The following SPON1 variants were observed in gnomAD, a reference collection of about 807,000 sequenced individuals.
SPON1 encodes spondin-1.
In SPON1, 52 loss-of-function variants were observed where a neutral mutation model predicts 111.7. That is an observed-to-expected ratio of 0.47 (90% confidence interval 0.37 to 0.59). The LOEUF (loss-of-function observed/expected upper bound fraction) is 0.59. SPON1 is among the 20% of genes least tolerant of loss of function. SPON1 has a pLI of 0.00. For synonymous variants in SPON1, 410 were observed against 395.8 expected (o/e 1.04, Z -0.43); for missense variants, 957 against 1,068.5 (o/e 0.90, Z 1.46).
chr11:14,041,731 CT>C, intron 3 of SPON1, 77 bp downstream of exon 3: 1 of 1,500,008 alleles, frequency 6.7e-7, no homozygotes, highest in Non-Finnish European at 9.1e-7. Context: ...AAAAAAAGTT[CT>C]TTACTGAGCA....
At chr11:13,973,490 C>G (rs1848079255) in intron 1 of SPON1, among the ~76,000 whole-genome samples, 1 of 152,188 alleles carries the variant, frequency 6.6e-6, no homozygotes, top group Non-Finnish European at 1.5e-5. Flanking sequence ...AGCTCAGGAC[C>G]CATTCATCTG....
chr11:14,160,897 T>TTATA (rs1311148361), intron 6 of SPON1, among the ~76,000 whole-genome samples: 3 of 51,308 alleles, frequency 5.8e-5, no homozygotes, highest in African/African-American at 2.4e-4. Flanking sequence ...TTATATATAT[T>TTATA]TATATATTTA....
At chr11:14,041,723 A>C in intron 3 of SPON1, 69 bp downstream of exon 3, 1 of 1,575,770 alleles carries the variant, frequency 6.3e-7, no homozygotes, top group Non-Finnish European at 8.6e-7. Context: ...GGGAAAAAAA[A>C]AAAAGTTCTT....
At chr11:14,162,766 A>G (rs569765619) in intron 6 of SPON1, among the ~76,000 whole-genome samples, 1 of 152,332 alleles carries the variant, frequency 6.6e-6, no homozygotes, top group South Asian at 2.1e-4. Context: ...TTGAGAACAA[A>G]CACAACTTAC....
At chr11:14,020,391 G>T (rs782622216) in intron 2 of SPON1, among the ~76,000 whole-genome samples, 43 of 152,238 alleles carry the variant, frequency 2.8e-4, no homozygotes, top group Non-Finnish European at 5.7e-4. Context: ...GAGGAGGTCA[G>T]AGTGACCATT....
chr11:14,109,981 A>G (rs994874420), intron 5 of SPON1, among the ~76,000 whole-genome samples: 3 of 152,240 alleles, frequency 2.0e-5, no homozygotes, highest in African/African-American at 7.2e-5. Flanking sequence ...TGGCAAAATT[A>G]TTAATCTCTC....
intron 2 of SPON1, among the ~76,000 whole-genome samples, chr11:14,025,350 A>G (rs1488523567): frequency 6.6e-6 from 1 of 152,358 alleles, no homozygotes; most frequent in East Asian, 1.9e-4. Flanking sequence ...TCATTCTACA[A>G]ATATTGATCA....
chr11:14,114,030 A>C (rs1849248718), intron 5 of SPON1, among the ~76,000 whole-genome samples: 1 of 152,200 alleles, frequency 6.6e-6, no homozygotes, highest in Admixed American at 6.5e-5. Flanking sequence ...CCATCCCCTC[A>C]AGCATTTATC....
Position 14,147,017 on chromosome 11 carries a change from C to CTTTTT in SPON1, c.825+11475_825+11479dup, listed in dbSNP as rs34930543. Reference sequence around the variant, plus strand: ...ACGTTAGAAGAAAACATGAAAGAACCTTTTTTTTTTTTTTTTTTTTTTTTT... The same window carrying CTTTTT: ...ACGTTAGAAGAAAACATGAAAGAACCTTTTTTTTTTTTTTTTTTTTTTTTTTTTTT... On this transcript the variant is annotated intron_variant, in intron 6 of 15. Transcript: ENST00000576479. Among the ~76,000 whole-genome samples, 12 of 64,992 alleles carry CTTTTT rather than the reference C, an allele frequency of 1.8e-4. 2 individuals carry two copies. The highest frequency in any genetic ancestry group is 2.9e-4 in the Non-Finnish European group (11 of 37,454). The allele number at this position is 64,992 out of a possible 152,430, so 42.6% of individuals were successfully genotyped here.
intron 6 of SPON1, among the ~76,000 whole-genome samples, chr11:14,203,663 T>G (rs1848486541): frequency 6.6e-6 from 1 of 152,112 alleles, no homozygotes. Context: ...CCCAGGTAAT[T>G]TGAGTTGTGC....
intron 2 of SPON1, among the ~76,000 whole-genome samples, chr11:14,009,972 G>C (rs1554913538): frequency 6.6e-6 from 1 of 152,196 alleles, no homozygotes; most frequent in African/African-American, 2.4e-5. Flanking sequence ...CATTCAGACT[G>C]TATCAATGTC....
chr11:14,174,136 TC>T lies in SPON1; in HGVS notation c.825+38572del, dbSNP rs538473314. The stretch of plus-strand genomic sequence containing the variant: ...GTGCCATTTTATACTGGATCCTGGA[TC>T]CCCAAAAGGAGGGAAAGACTATGGG... On this transcript the variant is annotated intron_variant, in intron 6 of 15. Coordinates refer to ENST00000576479, the MANE Select transcript of SPON1 (RefSeq NM_006108.4). 4.6e-5 allele frequency among the ~76,000 whole-genome samples: 7 copies of T among 152,278 alleles called. No individual in the cohort carries two copies. The East Asian group carries it at 1.4e-3, about 29-fold the overall frequency.
Position 14,161,279 on chromosome 11 carries a change from A to T in SPON1, c.825+25711A>T, listed in dbSNP as rs1423858375. 7.5e-3 allele frequency among the ~76,000 whole-genome samples: 391 copies of T among 51,992 alleles called. 1 individual carries two copies. Among genetic ancestry groups the T allele is most frequent in the Non-Finnish European group, 0.01 (225 of 21,724 alleles). 34.1% of individuals were successfully genotyped at this position (51,992 alleles called of 152,430 possible). ...TATATATTTATATATCTGTATATCT[A>T]TATATATTTATATATTTATATATAT... On this transcript the variant is annotated intron_variant, in intron 6 of 15. Coordinates refer to ENST00000576479, the MANE Select transcript of SPON1 (RefSeq NM_006108.4).
chr11:14,080,313 C>T (rs182174328), intron 5 of SPON1, among the ~76,000 whole-genome samples: 2 of 151,942 alleles, frequency 1.3e-5, no homozygotes, highest in African/African-American at 4.8e-5. Flanking sequence ...ACTGCAACCT[C>T]CGCCTCCCGG....
chr11:14,208,248 ATGGGTAC>A (rs1285608569), intron 6 of SPON1, among the ~76,000 whole-genome samples: 2 of 152,116 alleles, frequency 1.3e-5, no homozygotes, highest in Non-Finnish European at 2.9e-5. Context: ...AAAATAACTA[ATGGGTAC>A]TGGGCTTAAT....
intron 7 of SPON1, among the ~76,000 whole-genome samples, chr11:14,253,980 G>A (rs1248475902): frequency 1.3e-5 from 2 of 152,192 alleles, no homozygotes; most frequent in African/African-American, 2.4e-5. Flanking sequence ...GTTGAAGAGC[G>A]GCCTCTGATA....
At chr11:14,213,146 G>C (rs1327189019) in intron 6 of SPON1, among the ~76,000 whole-genome samples, 1 of 152,148 alleles carries the variant, frequency 6.6e-6, no homozygotes, top group Admixed American at 6.5e-5. Context: ...ACTGAACCCA[G>C]CTTTTCAATG....
chr11:14,014,077 A>G (rs931579015), intron 2 of SPON1, among the ~76,000 whole-genome samples: 10 of 152,168 alleles, frequency 6.6e-5, no homozygotes, highest in Non-Finnish European at 7.3e-5. Flanking sequence ...CTCTGTGTGA[A>G]GGACCCACAT....
At position 14,259,383 on chromosome 11, in the gene SPON1, G is replaced by T; in HGVS notation, c.1596G>T (p.Pro532=). The change falls in exon 12 of 16, where the codon CCG becomes CCT. Residue 532 remains proline (P), a synonymous_variant. Coordinates refer to ENST00000576479, the MANE Select transcript of SPON1 (RefSeq NM_006108.4). This position sits in a 1 kb window ranked among gnomAD's most constrained non-coding sequence, Gnocchi z 5.0. ...RSRERYVKQF[P]EDGSVCTLPT... ...GGGAGAGGTATGTGAAGCAGTTCCC[G>T]GAGGACGGCTCCGTGTGCACGCTGC... 6.2e-7 allele frequency: 1 copy of T among 1,611,298 alleles called. No individual in the cohort carries two copies. The highest frequency in any genetic ancestry group is 2.2e-5 in the East Asian group (1 of 44,786).
Sources: allele counts gnomAD v4.1 joint callset (sites outside exome capture counted in the v4.1 genomes callset), GRCh38; gene constraint gnomAD v4.1.1; non-coding constraint Gnocchi (gnomAD v3.1); transcripts MANE v1.5; gene names NCBI Gene and HGNC (gene_info 2026-07-23, HGNC 2026-07-21).